MAPK10: variants seen among roughly 807,000 people sequenced by gnomAD.
MAPK10 encodes mitogen-activated protein kinase 10, also known as JNK3 alpha protein kinase.
A neutral mutation model predicts 59.3 loss-of-function variants in MAPK10; 25 were observed. That is an observed-to-expected ratio of 0.42 (90% CI 0.31 to 0.59). The LOEUF is 0.59. MAPK10 is among the 20% of genes least tolerant of loss of function. The pLI is 0.15. For missense variants in MAPK10, 351 were observed against 568.9 expected (o/e 0.62, Z 3.90); for synonymous variants, 190 against 200.5 (o/e 0.95, Z 0.44).
At chr4:86,236,898 T>C (rs2092284772) in intron 2 of MAPK10, among the ~76,000 whole-genome samples, 1 of 152,136 alleles carries the variant, frequency 6.6e-6, no homozygotes, top group South Asian at 2.1e-4. Context: ...ACGGGGTACA[T>C]GTGCAGAACG....
At position 86,426,208 on chromosome 4, in the gene MAPK10, C is replaced by T. The variant is rs559085620; in HGVS notation, c.-122+26822G>A. On this transcript the variant is annotated intron_variant, in intron 1 of 13. Coordinates refer to the MAPK10 transcript ENST00000361569. ...CAAATGTAATGTTTACTGAATACAA[C>T]GCTAAAATTTTCCTTTTCTTTAAAT... Among the ~76,000 whole-genome samples, 8 of 152,202 alleles carry T rather than the reference C, an allele frequency of 5.3e-5. No individual in the cohort carries two copies. In the South Asian group the frequency reaches 6.2e-4, roughly 12 times the overall value.
At chr4:86,311,924 C>A (rs199813845) in intron 2 of MAPK10, among the ~76,000 whole-genome samples, 1 of 151,778 alleles carries the variant, frequency 6.6e-6, no homozygotes, top group African/African-American at 2.4e-5. Context: ...ATAAAAGAAT[C>A]AAAATAGCCA....
chr4:86,500,108 G>T (rs1755197375), intron 1 of MAPK10, among the ~76,000 whole-genome samples: 1 of 152,142 alleles, frequency 6.6e-6, no homozygotes, highest in Non-Finnish European at 1.5e-5. Flanking sequence ...TGATTTGCCA[G>T]CCATCTGAAT....
intron 1 of MAPK10, among the ~76,000 whole-genome samples, chr4:86,562,526 A>G (rs1460660664): frequency 6.6e-6 from 1 of 151,948 alleles, no homozygotes; most frequent in East Asian, 1.9e-4. Flanking sequence ...TTATCTCAGT[A>G]AATAAATAAA....
intron 2 of MAPK10, among the ~76,000 whole-genome samples, chr4:86,311,531 A>C (rs1482879129): frequency 6.6e-6 from 1 of 152,118 alleles, no homozygotes; most frequent in Non-Finnish European, 1.5e-5. Flanking sequence ...ATTTAACTAC[A>C]TTTTGTCAGC....
At chr4:86,220,913 G>C (rs2089366489) in intron 2 of MAPK10, among the ~76,000 whole-genome samples, 1 of 152,058 alleles carries the variant, frequency 6.6e-6, no homozygotes, top group Admixed American at 6.5e-5. Flanking sequence ...ACAACATAAG[G>C]GGCTTTTGAA....
Position 86,502,186 on chromosome 4 carries a change from G to A in MAPK10, c.-263+91724C>T, listed in dbSNP as rs556757687. Among the ~76,000 whole-genome samples, 108 of 151,520 alleles carry A rather than the reference G, an allele frequency of 7.1e-4. No homozygotes were observed. The Middle Eastern group carries it at 0.01, about 14-fold the overall frequency. ...TTTTTTTTCCTCCTCTAAATGTGTT[G>A]TGACTCATACATTTACAACTTGGAT... On this transcript the variant is annotated intron_variant, in intron 1 of 4. Transcript: ENST00000502302.
intron 3 of MAPK10, chr4:86,164,689 G>A (rs1252401680): frequency 6.6e-6 from 1 of 152,094 alleles, no homozygotes; most frequent in East Asian, 1.9e-4. Flanking sequence ...AGTTGAACCA[G>A]TATTATTGCT....
At chr4:86,208,771 A>T (rs973654373) in intron 2 of MAPK10, among the ~76,000 whole-genome samples, 8 of 152,152 alleles carry the variant, frequency 5.3e-5, no homozygotes, top group Admixed American at 3.9e-4. Flanking sequence ...AATAAAGGGT[A>T]TTCAATTAGG....
chr4:86,467,774 T>C (rs996018981), intron 1 of MAPK10, among the ~76,000 whole-genome samples: 6 of 152,158 alleles, frequency 3.9e-5, no homozygotes, highest in African/African-American at 1.2e-4. Flanking sequence ...CACCTCGGCC[T>C]CCCAAAGTGC....
rs576145332 is a variant in MAPK10, at chr4:86,380,403, G to T, written c.-121-25759C>A. On this transcript the variant is annotated intron_variant, in intron 1 of 13. Transcript: ENST00000361569. ...AGTTTCACAATTATTTGTTGACTTT[G>T]CTTGGAGTAATTAAGCCCTAAATTC... 6.2e-4 allele frequency among the ~76,000 whole-genome samples: 94 copies of T among 152,228 alleles called. 3 individuals are homozygous for T. In the South Asian group the frequency reaches 0.018, roughly 30 times the overall value.
rs199684937 is a variant in MAPK10 at position 86,351,368 on chromosome 4, G to GTA, written c.-7+3160_-7+3161dup. 7.0e-3 allele frequency among the ~76,000 whole-genome samples: 995 copies of GTA among 142,596 alleles called. 5 individuals are homozygous for GTA. The highest frequency in any genetic ancestry group is 0.012 in the Non-Finnish European group (758 of 65,826). The allele number at this position is 142,596 out of a possible 152,430, so 93.5% of individuals were successfully genotyped here. On this transcript the variant is annotated intron_variant, in intron 2 of 13. Coordinates refer to ENST00000641462, the MANE Select transcript of MAPK10 (RefSeq NM_138982.4). ...AACATTAGTCATACAATGTGTGTGTGTATATATATATACAGTGTGTATACA... is the reference window on the plus strand; with the variant it reads ...AACATTAGTCATACAATGTGTGTGTGTATATATATATATACAGTGTGTATACA...
chr4:86,214,219 A>G (rs555716745), intron 2 of MAPK10, among the ~76,000 whole-genome samples: 21 of 152,212 alleles, frequency 1.4e-4, no homozygotes, highest in African/African-American at 5.1e-4. Context: ...AACTAAAAAT[A>G]GAATGAAACT....
At chr4:86,035,220 A>C (rs2039968607) in intron 11 of MAPK10, among the ~76,000 whole-genome samples, 1 of 151,566 alleles carries the variant, frequency 6.6e-6, no homozygotes, top group East Asian at 1.9e-4. Context: ...AAAATACAAA[A>C]ATTAGCCGGG....
At chr4:86,579,069 GA>G (rs1393876548) in intron 1 of MAPK10, among the ~76,000 whole-genome samples, 1 of 152,050 alleles carries the variant, frequency 6.6e-6, no homozygotes, top group Non-Finnish European at 1.5e-5. Context: ...ATCTAACTTG[GA>G]AATTCACCCA....
intron 2 of MAPK10, among the ~76,000 whole-genome samples, chr4:86,276,817 T>C (rs2094594177): frequency 6.6e-6 from 1 of 152,152 alleles, no homozygotes. Context: ...AGAAAAGAGA[T>C]ACTGAAGCCC....
intron 1 of MAPK10, among the ~76,000 whole-genome samples, chr4:86,592,060 C>G (rs1167991665): frequency 6.6e-6 from 1 of 151,960 alleles, no homozygotes; most frequent in Non-Finnish European, 1.5e-5. Flanking sequence ...TGTTTTCCTC[C>G]TTTGACTTAC....
At chr4:86,288,877 G>T (rs1279632526) in intron 2 of MAPK10, among the ~76,000 whole-genome samples, 2 of 151,340 alleles carry the variant, frequency 1.3e-5, no homozygotes, top group South Asian at 2.1e-4. Flanking sequence ...CTTGATATGT[G>T]CCAGGCACCA....
chr4:86,275,894 C>T (rs1583901271), intron 2 of MAPK10, among the ~76,000 whole-genome samples: 1 of 151,990 alleles, frequency 6.6e-6, no homozygotes, highest in African/African-American at 2.4e-5. Context: ...ATATTGCTGG[C>T]AGTCAATGCC....
Sources: allele counts gnomAD v4.1 joint callset (sites outside exome capture counted in the v4.1 genomes callset), GRCh38; gene constraint gnomAD v4.1.1; transcripts MANE v1.5; gene names NCBI Gene and HGNC (gene_info 2026-07-23, HGNC 2026-07-21).